ETV6: variants seen among roughly 807,000 people sequenced by gnomAD.
The protein encoded by ETV6 is ETS variant transcription factor 6.
In ETV6, 16 loss-of-function variants were observed where a neutral mutation model predicts 51.1. The ratio of observed to expected loss-of-function variants is 0.31; its 90% CI spans 0.21 to 0.48. The LOEUF (loss-of-function observed/expected upper bound fraction) is 0.48, where lower values mean the gene tolerates loss of function less well. Among genes scored for constraint, ETV6 ranks in the 20% least tolerant of loss-of-function variants. ETV6 has a pLI of 0.99. For synonymous variants in ETV6, 240 were observed against 224.1 expected, an observed-to-expected ratio of 1.07 and a Z score of -0.64; for missense variants, 458 against 594.8, an observed-to-expected ratio of 0.77 and a Z score of 2.39.
intron 1 of ETV6, among the ~76,000 whole-genome samples, chr12:11,744,538 C>T (rs1865872375): frequency 6.6e-6 from 1 of 152,194 alleles, no homozygotes; most frequent in South Asian, 2.1e-4. Flanking sequence ...TAAATAAAGT[C>T]ACACCACCTT....
intron 2 of ETV6, among the ~76,000 whole-genome samples, chr12:11,771,764 G>T (rs80116940): frequency 6.6e-6 from 1 of 152,158 alleles, no homozygotes; most frequent in Non-Finnish European, 1.5e-5. Context: ...AGTAAACCAA[G>T]ACTCTTCTGA....
chr12:11,858,822 GC>G (rs1176638159), intron 4 of ETV6, among the ~76,000 whole-genome samples: 1 of 124,466 alleles, frequency 8.0e-6, no homozygotes, highest in African/African-American at 2.5e-5. Flanking sequence ...CATGGAAATC[GC>G]AAGTGATGAG....
intron 2 of ETV6, among the ~76,000 whole-genome samples, chr12:11,776,758 G>C (rs998444866): frequency 6.6e-6 from 1 of 152,170 alleles, no homozygotes; most frequent in Non-Finnish European, 1.5e-5. Context: ...TATGGGTAAA[G>C]GACCTGAAAA....
intron 1 of ETV6, among the ~76,000 whole-genome samples, chr12:11,674,759 AGAT>A (rs1864385502): frequency 6.6e-6 from 1 of 151,218 alleles, no homozygotes; most frequent in Non-Finnish European, 1.5e-5. Flanking sequence ...CCACCTAGAG[AGAT>A]GATGATGTGA....
intron 1 of ETV6, among the ~76,000 whole-genome samples, chr12:11,738,533 C>T (rs117607921): frequency 0.015 from 2,228 of 151,716 alleles, 32 homozygotes; most frequent in Middle Eastern, 0.027. Flanking sequence ...TCTCAAACTC[C>T]TGGGCTCAAG....
chr12:11,869,689 T>C lies in ETV6; in HGVS notation c.729T>C (p.Asn243=). ...YPLSVSPMEN[N]HCPASSESHP... is the part of the protein sequence containing the mutation. ...TGTCAGTGTCTCCCATGGAGAATAA[T>C]CACTGCCCAGCGTCCTCCGAGTCCC... Residue 243 remains asparagine (N), a synonymous_variant, in exon 5 of 8, where the codon AAT becomes AAC. Transcript: ENST00000396373. The surrounding 1 kb of genome is among the most constrained non-coding windows in gnomAD (Gnocchi z 5.0). The C allele has an allele frequency of 6.2e-7, 1 of 1,614,020 alleles. No homozygotes were observed. Among genetic ancestry groups the C allele is most frequent in the Non-Finnish European group, 8.5e-7 (1 of 1,180,012 alleles).
At chr12:11,755,765 A>G (rs1413266220) in intron 2 of ETV6, among the ~76,000 whole-genome samples, 1 of 152,228 alleles carries the variant, frequency 6.6e-6, no homozygotes, top group Non-Finnish European at 1.5e-5. Flanking sequence ...TCTCAAAGCC[A>G]AGACAACAGC....
rs1565555150 is a variant in ETV6 at position 11,859,118 on chromosome 12, G to GCTTTTTTTTTTTTTT, written c.463+5557_463+5558insCTTTTTTTTTTTTTT. ...TAAAGAAGATGAGGTATATGAATCT[G>GCTTTTTTTTTTTTTT]GTTTTTTTTTTTTTTTTTTTTTTTT... On this transcript the variant is annotated intron_variant, in intron 4 of 7. Coordinates refer to ENST00000396373, the MANE Select transcript of ETV6 (RefSeq NM_001987.5). Among the ~76,000 whole-genome samples the GCTTTTTTTTTTTTTT allele has an allele frequency of 3.5e-3, 147 of 41,796 alleles. 69 individuals are homozygous for GCTTTTTTTTTTTTTT. Among genetic ancestry groups the GCTTTTTTTTTTTTTT allele is most frequent in the African/African-American group, 9.2e-3 (133 of 14,394 alleles). 27.4% of individuals were successfully genotyped at this position (41,796 alleles called of 152,430 possible).
intron 1 of ETV6, among the ~76,000 whole-genome samples, chr12:11,729,311 A>G (rs1397012231): frequency 6.6e-6 from 1 of 151,704 alleles, no homozygotes; most frequent in East Asian, 1.9e-4. Flanking sequence ...GAGTAGTCTC[A>G]TCTGGGTGGG....
chr12:11,887,360 G>A (rs1947208819), intron 7 of ETV6, among the ~76,000 whole-genome samples: 2 of 152,158 alleles, frequency 1.3e-5, no homozygotes, highest in Admixed American at 1.3e-4. Context: ...AAATTTGAAT[G>A]TCCAAGAGTT....
chr12:11,768,989 C>T (rs1565519011), intron 2 of ETV6: 5 of 471,464 alleles, frequency 1.1e-5, no homozygotes, highest in Admixed American at 2.3e-5. Context: ...TTGAAGAACC[C>T]GTAGGCTCAG....
At chr12:11,672,907 C>A (rs1295223132) in intron 1 of ETV6, among the ~76,000 whole-genome samples, 1 of 152,186 alleles carries the variant, frequency 6.6e-6, no homozygotes, top group Non-Finnish European at 1.5e-5. Context: ...TGTGGGAAAC[C>A]CTGAATTAGC....
chr12:11,670,814 A>C (rs1482995965), intron 1 of ETV6, among the ~76,000 whole-genome samples: 1 of 152,240 alleles, frequency 6.6e-6, no homozygotes, highest in African/African-American at 2.4e-5. Context: ...TATTCTACCT[A>C]AAGCATGACA....
At chr12:11,754,409 G>A (rs908875013) in intron 2 of ETV6, among the ~76,000 whole-genome samples, 3 of 152,152 alleles carry the variant, frequency 2.0e-5, no homozygotes, top group Admixed American at 1.3e-4. Flanking sequence ...GGAGGCCCTC[G>A]CTCCTGGTTC....
At chr12:11,860,890 T>C (rs117823826) in intron 4 of ETV6, among the ~76,000 whole-genome samples, 304 of 152,350 alleles carry the variant, frequency 2.0e-3, no homozygotes, top group Non-Finnish European at 3.0e-3. Flanking sequence ...GTGCACCTTA[T>C]ACGTAGGGAA....
intron 1 of ETV6, among the ~76,000 whole-genome samples, chr12:11,704,798 G>T (rs549618406): frequency 1.6e-3 from 243 of 150,122 alleles, no homozygotes; most frequent in African/African-American, 5.7e-3. Flanking sequence ...TGTGTGTGTG[G>T]GACAAGAACA....
chr12:11,711,210 T>A (rs1865165953), intron 1 of ETV6, among the ~76,000 whole-genome samples: 1 of 152,232 alleles, frequency 6.6e-6, no homozygotes, highest in African/African-American at 2.4e-5. Flanking sequence ...TCCTTTCTCG[T>A]TTTCTTTTCC....
intron 1 of ETV6, among the ~76,000 whole-genome samples, chr12:11,671,767 T>C (rs1864319916): frequency 6.6e-6 from 1 of 152,232 alleles, no homozygotes; most frequent in Middle Eastern, 3.2e-3. Flanking sequence ...TCAGATCTCC[T>C]GACTCCCACC....
intron 2 of ETV6, among the ~76,000 whole-genome samples, chr12:11,819,978 ACAAGGCCTTC>A (rs1175696770): frequency 3.3e-5 from 5 of 152,230 alleles, no homozygotes; most frequent in African/African-American, 9.6e-5. Flanking sequence ...AGTACAGCAG[ACAAGGCCTTC>A]CAAGGCCTTC....
Sources: allele counts gnomAD v4.1 joint callset (sites outside exome capture counted in the v4.1 genomes callset), GRCh38; gene constraint gnomAD v4.1.1; non-coding constraint Gnocchi (gnomAD v3.1); transcripts MANE v1.5; gene names NCBI Gene and HGNC (gene_info 2026-07-23, HGNC 2026-07-21).